The following CA10 variants were observed in gnomAD, a reference collection of about 807,000 sequenced individuals.
CA10 encodes the protein carbonic anhydrase-related protein 10.
In CA10, 14 loss-of-function variants were observed where a neutral mutation model predicts 44.2. That is an observed-to-expected ratio of 0.32 (90% CI 0.21 to 0.50). The LOEUF is 0.50. Ranked by LOEUF, CA10 falls within the 20% of genes least tolerant of loss-of-function variation. CA10 has a pLI of 0.99. For missense variants in CA10, 350 were observed against 409.7 expected, an observed-to-expected ratio of 0.85 and a Z score of 1.26; for synonymous variants, 159 against 141.6, an observed-to-expected ratio of 1.12 and a Z score of -0.87.
intron 4 of CA10, among the ~76,000 whole-genome samples, chr17:51,739,778 T>C (rs1376125284): frequency 6.6e-6 from 1 of 152,208 alleles, no homozygotes; most frequent in Non-Finnish European, 1.5e-5. Context: ...TAATGTGCCC[T>C]ACCACCATCT....
At chr17:51,947,600 A>T (rs1367570635) in intron 2 of CA10, among the ~76,000 whole-genome samples, 1 of 152,184 alleles carries the variant, frequency 6.6e-6, no homozygotes, top group Admixed American at 6.5e-5. Context: ...GCTAGGGTGA[A>T]ACTACACATG....
intron 3 of CA10, among the ~76,000 whole-genome samples, chr17:51,858,435 A>AGCAC (rs1338071983): frequency 6.6e-6 from 1 of 152,160 alleles, no homozygotes; most frequent in Non-Finnish European, 1.5e-5. Flanking sequence ...GTTTTCCTGA[A>AGCAC]CAGATTTCAA....
At chr17:51,798,986 G>C (rs887565197) in intron 3 of CA10, among the ~76,000 whole-genome samples, 2 of 152,168 alleles carry the variant, frequency 1.3e-5, no homozygotes, top group Non-Finnish European at 2.9e-5. Flanking sequence ...AAATGCACAG[G>C]GTGGGGAAAC....
chr17:52,055,990 G>C (rs372125884), intron 2 of CA10, among the ~76,000 whole-genome samples: 1 of 152,060 alleles, frequency 6.6e-6, no homozygotes, highest in Non-Finnish European at 1.5e-5. Flanking sequence ...GTTGTAACTG[G>C]GAAGTGACTG....
At chr17:51,735,803 T>C (rs1421572197) in intron 4 of CA10, among the ~76,000 whole-genome samples, 1 of 147,376 alleles carries the variant, frequency 6.8e-6, no homozygotes, top group Admixed American at 7.1e-5. Flanking sequence ...AAAAAGTTAA[T>C]TCTACTGTAT....
chr17:52,097,114 T>A (rs1988422600), intron 1 of CA10, among the ~76,000 whole-genome samples: 1 of 152,118 alleles, frequency 6.6e-6, no homozygotes, highest in African/African-American at 2.4e-5. Flanking sequence ...ATCCCATTTT[T>A]AAAAAATCTA....
chr17:51,764,658 G>A (rs1905304736), intron 3 of CA10, among the ~76,000 whole-genome samples: 1 of 152,154 alleles, frequency 6.6e-6, no homozygotes, highest in Admixed American at 6.5e-5. Flanking sequence ...TGAGAGCCTA[G>A]GAGGCTACAT....
At chr17:51,938,310 A>C (rs1367535098) in intron 2 of CA10, among the ~76,000 whole-genome samples, 1 of 152,126 alleles carries the variant, frequency 6.6e-6, no homozygotes, top group Non-Finnish European at 1.5e-5. Flanking sequence ...CCACAGTGTG[A>C]TTCCAACACT....
At chr17:51,731,628 A>G (rs1916722493) in intron 4 of CA10, among the ~76,000 whole-genome samples, 1 of 149,942 alleles carries the variant, frequency 6.7e-6, no homozygotes, top group Non-Finnish European at 1.5e-5. Flanking sequence ...CTACTACTGG[A>G]AAAGACACAG....
At chr17:52,141,596 A>G (rs941953027) in intron 1 of CA10, among the ~76,000 whole-genome samples, 1 of 152,168 alleles carries the variant, frequency 6.6e-6, no homozygotes, top group Non-Finnish European at 1.5e-5. Flanking sequence ...CTGTGATGTA[A>G]AAGAAGCCCT....
At chr17:52,066,578 A>G (rs1989102) in intron 2 of CA10, among the ~76,000 whole-genome samples, 150,783 of 152,342 alleles carry the variant, frequency 0.99, 74,637 homozygotes, top group East Asian at 1. Context: ...CATGTAAGAC[A>G]TGACTTTGCT....
At chr17:51,740,074 G>T (rs894061639) in intron 4 of CA10, among the ~76,000 whole-genome samples, 1 of 145,336 alleles carries the variant, frequency 6.9e-6, no homozygotes, top group African/African-American at 2.4e-5. Flanking sequence ...ACTTTATTAG[G>T]TTTGCCATTA....
intron 4 of CA10, among the ~76,000 whole-genome samples, chr17:51,669,644 G>T (rs561729945): frequency 1.2e-3 from 178 of 152,182 alleles, no homozygotes; most frequent in Non-Finnish European, 1.2e-3. Flanking sequence ...CACCAGGAGG[G>T]ATGAACAACT....
rs10514986 is a variant in CA10, at chr17:51,635,844, G to T, written c.789+11C>A. 700,374 of 1,546,454 alleles carry T rather than the reference G, an allele frequency of 0.45. 162,763 individuals carry two copies. Among genetic ancestry groups the T allele is most frequent in the Non-Finnish European group, 0.47 (536,941 of 1,140,418 alleles). On this transcript the variant is annotated intron_variant, in intron 7 of 8. Coordinates refer to ENST00000451037, the MANE Select transcript of CA10 (RefSeq NM_020178.5). ...CTTCTCCATTAGCTAAATGACCAGA[G>T]AGAAACTCACCTGCATCCTGGTTAT...
At chr17:51,940,838 TCTC>T (rs1245186348) in intron 2 of CA10, among the ~76,000 whole-genome samples, 1 of 152,172 alleles carries the variant, frequency 6.6e-6, no homozygotes, top group Non-Finnish European at 1.5e-5. Context: ...TGAGCCTCAG[TCTC>T]CTCCTTTGTA....
chr17:52,108,606 A>G (rs952446615), intron 1 of CA10, among the ~76,000 whole-genome samples: 2 of 149,312 alleles, frequency 1.3e-5, no homozygotes, highest in Non-Finnish European at 3.0e-5. Flanking sequence ...ATGCTGAGGC[A>G]GGAGAATCGC....
At chr17:51,825,369 A>G (rs1907970440) in intron 3 of CA10, among the ~76,000 whole-genome samples, 1 of 151,932 alleles carries the variant, frequency 6.6e-6, no homozygotes, top group African/African-American at 2.4e-5. Flanking sequence ...TGTAGAATAT[A>G]CTCTTTACCA....
intron 3 of CA10, among the ~76,000 whole-genome samples, chr17:51,841,589 T>A (rs1180219100): frequency 1.3e-5 from 2 of 152,056 alleles, no homozygotes; most frequent in Non-Finnish European, 2.9e-5. Context: ...TGGACTAGAG[T>A]TCATTTCACT....
At chr17:51,712,467 A>C (rs1915971661) in intron 4 of CA10, among the ~76,000 whole-genome samples, 1 of 152,210 alleles carries the variant, frequency 6.6e-6, no homozygotes, top group Non-Finnish European at 1.5e-5. Flanking sequence ...TCTTTGGAAA[A>C]ATTTCAGAAA....
Sources: allele counts gnomAD v4.1 joint callset (sites outside exome capture counted in the v4.1 genomes callset), GRCh38; gene constraint gnomAD v4.1.1; transcripts MANE v1.5; gene names NCBI Gene and HGNC (gene_info 2026-07-23, HGNC 2026-07-21).